UBA3: variants seen among roughly 807,000 people sequenced by gnomAD.
UBA3 encodes the protein NEDD8-activating enzyme E1 catalytic subunit.
Under a neutral mutation model 73.5 loss-of-function variants are expected in UBA3, and 26 were observed. The ratio of observed to expected loss-of-function variants is 0.35; its 90% CI spans 0.26 to 0.49. The LOEUF (loss-of-function observed/expected upper bound fraction) is 0.49, where lower values mean the gene tolerates loss of function less well. Ranked by LOEUF, UBA3 falls within the 20% of genes least tolerant of loss-of-function variation. UBA3 has a pLI of 0.98. For missense variants in UBA3, 495 were observed against 555.6 expected (o/e 0.89, Z 1.10); for synonymous variants, 217 against 191.2 (o/e 1.13, Z -1.11).
chr3:69,063,003 C>A lies in UBA3; in HGVS notation c.672G>T (p.Thr224=), dbSNP rs200632131. Residue 224 remains threonine, a synonymous_variant, in exon 9 of 18, where the codon ACG becomes ACT. Transcript: ENST00000361055. ...TTACCTGTGGTGGATAAAGTTCCAG[C>A]GTGCATTCGATACAAGCAGTCATTC... is the stretch of plus-strand genomic sequence containing the variant. The part of the protein sequence containing the change: ...LPGMTACIEC[T]LELYPPQVNF... The A allele has an allele frequency of 2.5e-6, 4 of 1,613,916 alleles. No homozygotes were observed. The highest frequency in any genetic ancestry group is 2.5e-6 in the Non-Finnish European group (3 of 1,179,934).
chr3:69,068,097 T>C, intron 5 of UBA3, 89 bp from the exon 6 acceptor site: 1 of 856,834 alleles, frequency 1.2e-6, no homozygotes, highest in South Asian at 2.4e-5. Flanking sequence ...AAATTCACAG[T>C]AAGTTTACTT....
intron 11 of UBA3, among the ~76,000 whole-genome samples, chr3:69,059,811 C>A (rs1170406757): frequency 6.6e-6 from 1 of 151,968 alleles, no homozygotes; most frequent in African/African-American, 2.4e-5. Flanking sequence ...GGGCAAAATT[C>A]TAAAAAAGGA....
chr3:69,057,174 T>C, intron 12 of UBA3, 82 bp downstream of exon 12: 2 of 1,394,762 alleles, frequency 1.4e-6, no homozygotes, highest in East Asian at 4.6e-5. Flanking sequence ...AGATATCAAA[T>C]TCCTACAACA....
intron 9 of UBA3, 38 bp from the exon 10 acceptor site, chr3:69,062,217 C>A: frequency 2.2e-6 from 3 of 1,356,820 alleles, no homozygotes; most frequent in African/African-American, 1.4e-5. Flanking sequence ...GAATTTTAAA[C>A]GAATTATTTT....
chr3:69,057,124 G>C, intron 12 of UBA3, 132 bp downstream of exon 12: 1 of 968,566 alleles, frequency 1.0e-6, no homozygotes, highest in Admixed American at 2.4e-5. Context: ...TCTAATAACT[G>C]GTTCTTTTTC....
intron 5 of UBA3, among the ~76,000 whole-genome samples, chr3:69,069,515 C>G (rs1022046579): frequency 1.3e-5 from 2 of 152,008 alleles, no homozygotes; most frequent in African/African-American, 4.8e-5. Flanking sequence ...TTAGTAGACA[C>G]AGGGTTTCAC....
At chr3:69,056,435 C>T in intron 14 of UBA3, 152 bp from the exon 15 acceptor site, 2 of 846,018 alleles carry the variant, frequency 2.4e-6, no homozygotes, top group Non-Finnish European at 3.5e-6. Flanking sequence ...TCATAATAGA[C>T]CATTTCTTGT....
At chr3:69,069,510 A>T (rs1411455795) in intron 5 of UBA3, among the ~76,000 whole-genome samples, 1 of 152,008 alleles carries the variant, frequency 6.6e-6, no homozygotes, top group Non-Finnish European at 1.5e-5. Flanking sequence ...TATTTTTAGT[A>T]GACACAGGGT....
intron 5 of UBA3, among the ~76,000 whole-genome samples, chr3:69,069,298 A>G (rs1040002595): frequency 2.0e-5 from 3 of 152,188 alleles, no homozygotes; most frequent in African/African-American, 7.2e-5. Flanking sequence ...ATTTCAAAGA[A>G]AAACACTTTA....
At chr3:69,057,049 G>T (rs1272556055) in intron 12 of UBA3, among the ~76,000 whole-genome samples, 1 of 152,102 alleles carries the variant, frequency 6.6e-6, no homozygotes, top group African/African-American at 2.4e-5. Context: ...TGCTTCATAT[G>T]GAACTAAAAC....
chr3:69,061,738 T>G, intron 11 of UBA3, 76 bp downstream of exon 11: 1 of 910,350 alleles, frequency 1.1e-6, no homozygotes, highest in South Asian at 1.7e-5. Flanking sequence ...TAAACTCACT[T>G]ATCGATTATT....
At chr3:69,064,631 A>G (rs78200925) in intron 6 of UBA3, among the ~76,000 whole-genome samples, 1 of 152,216 alleles carries the variant, frequency 6.6e-6, no homozygotes, top group Admixed American at 6.5e-5. Context: ...GAGAAAAAGT[A>G]CGAATTTTTT....
chr3:69,067,928 G>A lies in UBA3; in HGVS notation c.428C>T (p.Pro143Leu), dbSNP rs11544139. The change falls in exon 6 of 18, where the codon CCA (proline) becomes CTA (leucine). Residue 143 changes from proline (P) to leucine (L), a missense_variant and splice_region_variant. Pro to Leu is a moderately conservative substitution (Grantham distance 98). Transcript: ENST00000361055. ...NDRVPNCNVV[P>L]HFNKIQDFND... ...AATTTTCTTTTTGTCAAAAGGATACGGAACTACATTGCAATTAGGAACTCT... is the reference window on the plus strand; with the variant it reads ...AATTTTCTTTTTGTCAAAAGGATACAGAACTACATTGCAATTAGGAACTCT... 5 of 1,598,110 alleles carry A rather than the reference G, an allele frequency of 3.1e-6. No homozygotes were observed. Among genetic ancestry groups the A allele is most frequent in the South Asian group, 1.1e-5 (1 of 88,792 alleles).
chr3:69,069,626 C>T, intron 5 of UBA3, among the ~76,000 whole-genome samples: 1 of 152,120 alleles, frequency 6.6e-6, no homozygotes, highest in East Asian at 1.9e-4. Flanking sequence ...CATGCCAGGC[C>T]AATTTTTTTT....
chr3:69,074,449 C>A (rs2092147396), intron 4 of UBA3, among the ~76,000 whole-genome samples: 1 of 152,204 alleles, frequency 6.6e-6, no homozygotes, highest in Non-Finnish European at 1.5e-5. Flanking sequence ...CAGAACCCAG[C>A]AAGACATTAA....
intron 5 of UBA3, among the ~76,000 whole-genome samples, chr3:69,069,295 AG>A (rs1254341286): frequency 6.6e-6 from 1 of 152,190 alleles, no homozygotes; most frequent in African/African-American, 2.4e-5. Context: ...GAAATTTCAA[AG>A]AAAAACACTT....
At chr3:69,056,745 A>C in intron 13 of UBA3, 34 bp downstream of exon 13, 1 of 1,610,534 alleles carries the variant, frequency 6.2e-7, no homozygotes, top group Non-Finnish European at 8.5e-7. Flanking sequence ...TCAAAACATA[A>C]ATTTACATGC....
intron 11 of UBA3, among the ~76,000 whole-genome samples, chr3:69,057,691 A>T (rs1328996386): frequency 6.6e-6 from 1 of 152,214 alleles, no homozygotes; most frequent in African/African-American, 2.4e-5. Flanking sequence ...AGAGAAATTT[A>T]GTAATTTATC....
At chr3:69,065,157 T>C (rs1313328752) in intron 6 of UBA3, among the ~76,000 whole-genome samples, 2 of 152,116 alleles carry the variant, frequency 1.3e-5, no homozygotes, top group East Asian at 3.9e-4. Context: ...AGAAATCTAA[T>C]CTGGATTTCT....
Sources: allele counts gnomAD v4.1 joint callset (sites outside exome capture counted in the v4.1 genomes callset), GRCh38; gene constraint gnomAD v4.1.1; transcripts MANE v1.5; gene names NCBI Gene and HGNC (gene_info 2026-07-23, HGNC 2026-07-21).